MYO1D: variants seen among roughly 807,000 people sequenced by gnomAD.
MYO1D encodes the protein myosin ID, also known as unconventional myosin-Id.
MYO1D carries 83 observed loss-of-function variants against 122.0 expected under a neutral mutation model. The ratio of observed to expected loss-of-function variants is 0.68; its 90% CI spans 0.57 to 0.82. The LOEUF is 0.82. MYO1D is among the 40% of genes least tolerant of loss of function. The pLI is 0.00. For missense variants in MYO1D, 1,157 were observed against 1,269.5 expected (o/e 0.91, Z 1.35); for synonymous variants, 464 against 446.9 (o/e 1.04, Z -0.48).
intron 16 of MYO1D, among the ~76,000 whole-genome samples, chr17:32,664,667 A>G (rs2088613133): frequency 6.6e-6 from 1 of 152,128 alleles, no homozygotes; most frequent in South Asian, 2.1e-4. Context: ...CTGACAGAGG[A>G]GCAAGCAAGG....
chr17:32,667,114 T>C (rs1224228370), intron 16 of MYO1D, among the ~76,000 whole-genome samples: 1 of 152,234 alleles, frequency 6.6e-6, no homozygotes, highest in Non-Finnish European at 1.5e-5. Context: ...TAATGAACTC[T>C]CGTTGAATGA....
chr17:32,581,158 T>C (rs1487883821), intron 21 of MYO1D, among the ~76,000 whole-genome samples: 1 of 152,230 alleles, frequency 6.6e-6, no homozygotes, highest in African/African-American at 2.4e-5. Flanking sequence ...CTATTTCTTC[T>C]TGTGTGAGTT....
chr17:32,610,333 C>A (rs754268057), intron 20 of MYO1D, among the ~76,000 whole-genome samples: 9 of 152,118 alleles, frequency 5.9e-5, no homozygotes, highest in Non-Finnish European at 1.3e-4. Context: ...TACGCCCAGG[C>A]CTAGTGGTGT....
intron 21 of MYO1D, among the ~76,000 whole-genome samples, chr17:32,598,494 G>A (rs917911132): frequency 1.3e-5 from 2 of 152,222 alleles, no homozygotes; most frequent in Non-Finnish European, 2.9e-5. Context: ...GGACTTGCTG[G>A]TATCAGGTGT....
At chr17:32,841,070 T>C (rs551933602) in intron 1 of MYO1D, among the ~76,000 whole-genome samples, 55 of 152,328 alleles carry the variant, frequency 3.6e-4, no homozygotes, top group South Asian at 2.7e-3. Flanking sequence ...TCTAAACATG[T>C]TCAAGGTAGG....
chr17:32,594,637 T>C (rs1001795049), intron 21 of MYO1D: 9 of 599,324 alleles, frequency 1.5e-5, no homozygotes, highest in African/African-American at 1.5e-4. Flanking sequence ...ATAATATCTA[T>C]ATCTCTCTTA....
At position 32,538,755 on chromosome 17, in the gene MYO1D, AC is replaced by A. The variant is rs2150877060; in HGVS notation, c.2865-43841del. Among the ~76,000 whole-genome samples, 3 of 152,330 alleles carry A rather than the reference AC, an allele frequency of 2.0e-5. No homozygotes were observed. The East Asian group carries it at 5.8e-4, about 29-fold the overall frequency. ...ATGTGATATATATACACCATGGAAT[AC>A]TATGCAGCCGTAAAAACGAATGAGA... is the stretch of plus-strand genomic sequence containing the variant. On this transcript the variant is annotated intron_variant, in intron 21 of 21. Coordinates refer to ENST00000318217, the MANE Select transcript of MYO1D (RefSeq NM_015194.3).
chr17:32,757,334 A>G (rs1181092277), intron 10 of MYO1D, among the ~76,000 whole-genome samples: 1 of 152,106 alleles, frequency 6.6e-6, no homozygotes, highest in Non-Finnish European at 1.5e-5. Context: ...ACATTTGGCA[A>G]TATCAGGAGA....
intron 8 of MYO1D, among the ~76,000 whole-genome samples, chr17:32,761,205 C>G (rs965229141): frequency 6.6e-6 from 1 of 152,148 alleles, no homozygotes; most frequent in Non-Finnish European, 1.5e-5. Flanking sequence ...CACATGTGCT[C>G]TGCAACGTCA....
At chr17:32,564,176 T>TA (rs2087151472) in intron 21 of MYO1D, among the ~76,000 whole-genome samples, 1 of 152,226 alleles carries the variant, frequency 6.6e-6, no homozygotes, top group Non-Finnish European at 1.5e-5. Context: ...CTGGGGGCAG[T>TA]AAGCAGAGCC....
At chr17:32,572,604 C>G (rs1303197012) in intron 21 of MYO1D, among the ~76,000 whole-genome samples, 1 of 152,132 alleles carries the variant, frequency 6.6e-6, no homozygotes, top group Non-Finnish European at 1.5e-5. Context: ...ACATCACCCC[C>G]TTTGCTAAAA....
intron 1 of MYO1D, among the ~76,000 whole-genome samples, chr17:32,852,057 C>T (rs2090994087): frequency 6.6e-6 from 1 of 152,212 alleles, no homozygotes; most frequent in Non-Finnish European, 1.5e-5. Context: ...CCCCTAAAAC[C>T]TTCAAATGTT....
chr17:32,575,054 GTAT>G (rs1469098639), intron 21 of MYO1D, among the ~76,000 whole-genome samples: 1 of 152,176 alleles, frequency 6.6e-6, no homozygotes, highest in Non-Finnish European at 1.5e-5. Flanking sequence ...AGTATCGGAA[GTAT>G]TATTGTTATT....
rs1283588910 is a variant in MYO1D, at chr17:32,655,089, T to C, written c.2346-468A>G. Among the ~76,000 whole-genome samples the C allele has an allele frequency of 5.9e-5, 9 of 152,364 alleles. 1 individual carries two copies. In the South Asian group the frequency reaches 1.9e-3, roughly 32 times the overall value. On this transcript the variant is annotated intron_variant, in intron 17 of 21. Coordinates refer to ENST00000318217, the MANE Select transcript of MYO1D (RefSeq NM_015194.3). ...AAAATACACACAGAAGTTGCTAAAA[T>C]ACATATCATTTTATGTAGACAGATC...
chr17:32,606,584 G>T (rs531884629), intron 20 of MYO1D, among the ~76,000 whole-genome samples: 2 of 152,232 alleles, frequency 1.3e-5, no homozygotes, highest in Admixed American at 1.3e-4. Flanking sequence ...AAAATGACAG[G>T]ATAACAAAGA....
chr17:32,749,725 T>C (rs2089879037), intron 11 of MYO1D, among the ~76,000 whole-genome samples: 2 of 151,998 alleles, frequency 1.3e-5, no homozygotes, highest in African/African-American at 4.8e-5. Context: ...AGACCCTGTC[T>C]CAAAAACCAA....
chr17:32,626,530 A>G (rs537996701), intron 20 of MYO1D, among the ~76,000 whole-genome samples: 1 of 152,312 alleles, frequency 6.6e-6, no homozygotes, highest in South Asian at 2.1e-4. Context: ...TATGAAATTG[A>G]ATTTCCAAGT....
intron 16 of MYO1D, among the ~76,000 whole-genome samples, chr17:32,662,792 G>A (rs972036250): frequency 7.9e-5 from 12 of 152,220 alleles, no homozygotes; most frequent in Admixed American, 5.9e-4. Context: ...GATTAATGGA[G>A]TTAATACATA....
chr17:32,711,378 T>G (rs796988565), intron 16 of MYO1D, among the ~76,000 whole-genome samples: 1 of 152,336 alleles, frequency 6.6e-6, no homozygotes, highest in African/African-American at 2.4e-5. Flanking sequence ...CCGGGCGTGG[T>G]GGCTCACGCC....
Sources: allele counts gnomAD v4.1 joint callset (sites outside exome capture counted in the v4.1 genomes callset), GRCh38; gene constraint gnomAD v4.1.1; transcripts MANE v1.5; gene names NCBI Gene and HGNC (gene_info 2026-07-23, HGNC 2026-07-21).